Variants in FRMD3 observed in about 807,000 individuals in gnomAD.
FRMD3 encodes the protein FERM domain-containing protein 3.
FRMD3 carries 33 observed loss-of-function variants against 70.2 expected under a neutral mutation model. The ratio of observed to expected loss-of-function variants is 0.47; its 90% CI spans 0.36 to 0.63. The LOEUF (loss-of-function observed/expected upper bound fraction) is 0.63, where lower values mean the gene tolerates loss of function less well. FRMD3 is among the 20% of genes least tolerant of loss of function. The pLI is 0.00. For synonymous variants in FRMD3, 279 were observed against 255.9 expected (o/e 1.09, Z -0.86); for missense variants, 632 against 711.4 (o/e 0.89, Z 1.27).
intron 13 of FRMD3, among the ~76,000 whole-genome samples, chr9:83,285,086 A>C (rs117308773): frequency 0.014 from 2,134 of 152,340 alleles, 39 homozygotes; most frequent in Admixed American, 0.039. Flanking sequence ...GCGTGTTCAC[A>C]CACAGACTTT....
At chr9:83,484,696 G>T (rs1333610092) in intron 1 of FRMD3, among the ~76,000 whole-genome samples, 2 of 152,220 alleles carry the variant, frequency 1.3e-5, no homozygotes, top group African/African-American at 4.8e-5. Flanking sequence ...GGGATTACAT[G>T]TGTGAGCCAC....
At chr9:83,428,778 C>T (rs919569640) in intron 1 of FRMD3, among the ~76,000 whole-genome samples, 1 of 152,138 alleles carries the variant, frequency 6.6e-6, no homozygotes, top group African/African-American at 2.4e-5. Context: ...CTCAGATTTG[C>T]ACCCATTAAC....
chr9:83,387,841 G>T (rs569139764), intron 2 of FRMD3, among the ~76,000 whole-genome samples: 1 of 152,286 alleles, frequency 6.6e-6, no homozygotes, highest in East Asian at 1.9e-4. Context: ...ATTAGGAATA[G>T]GCTAAGTGCA....
At chr9:83,510,206 G>T (rs1041133530) in intron 1 of FRMD3, among the ~76,000 whole-genome samples, 1 of 152,038 alleles carries the variant, frequency 6.6e-6, no homozygotes, top group Non-Finnish European at 1.5e-5. Context: ...TCTTCTCACC[G>T]GTTCAAATGT....
chr9:83,574,752 C>A, the FRMD3 span, among the ~76,000 whole-genome samples: 1 of 152,100 alleles, frequency 6.6e-6, no homozygotes, highest in Non-Finnish European at 1.5e-5. Flanking sequence ...GAAGCTGCAT[C>A]CCTTAGTCCA....
In FRMD3 at chr9:83,385,398, TC is replaced by T. The variant is rs527873782; in HGVS notation, c.252+4205del. ...TACTGGCCAGTATTCAACCTATCCT[TC>T]CCTATATCAAATTAAAAAATAATAA... On this transcript the variant is annotated intron_variant, in intron 2 of 13. Transcript: ENST00000304195. Among the ~76,000 whole-genome samples, 33 of 152,132 alleles carry T rather than the reference TC, an allele frequency of 2.2e-4. No homozygotes were observed. In the East Asian group the frequency reaches 6.4e-3, roughly 29 times the overall value.
chr9:83,342,317 C>T (rs1459505215), intron 5 of FRMD3, among the ~76,000 whole-genome samples: 2 of 152,180 alleles, frequency 1.3e-5, no homozygotes, highest in Non-Finnish European at 2.9e-5. Flanking sequence ...GACATCAACA[C>T]ATTAGCTATT....
At chr9:83,288,755 C>A (rs1028360676) in intron 13 of FRMD3, among the ~76,000 whole-genome samples, 2 of 152,180 alleles carry the variant, frequency 1.3e-5, no homozygotes, top group African/African-American at 4.8e-5. Context: ...CATACAGTTG[C>A]TATGTCAAAA....
the FRMD3 span, among the ~76,000 whole-genome samples, chr9:83,562,703 G>C: frequency 6.6e-6 from 1 of 152,178 alleles, no homozygotes; most frequent in Admixed American, 6.5e-5. Context: ...CGAGCCACAG[G>C]CTCTGTGAAA....
chr9:83,467,673 G>A, intron 1 of FRMD3: 1 of 1,535,268 alleles, frequency 6.5e-7, no homozygotes, highest in Non-Finnish European at 8.7e-7. Context: ...AAAAGGATTT[G>A]CAGTGCCGTG....
At chr9:83,516,065 T>C (rs568667432) in intron 1 of FRMD3, among the ~76,000 whole-genome samples, 4 of 152,190 alleles carry the variant, frequency 2.6e-5, no homozygotes, top group Admixed American at 2.6e-4. Context: ...CAACAACTAA[T>C]GGGCAAAATA....
intron 1 of FRMD3, among the ~76,000 whole-genome samples, chr9:83,412,093 T>C (rs1455260840): frequency 6.6e-6 from 1 of 152,242 alleles, no homozygotes; most frequent in African/African-American, 2.4e-5. Flanking sequence ...TCAAACAGTT[T>C]TGCCTGTTTC....
Position 83,450,635 on chromosome 9 carries a change from A to T in FRMD3, c.148-60927T>A, listed in dbSNP as rs553072312. ...CCCCACGTGGCAGCCTGGAACAAAG[A>T]CCCTCAGCTCCCTGGAAAGGGAAGG... On this transcript the variant is annotated intron_variant, in intron 1 of 13. Transcript: ENST00000304195. Among the ~76,000 whole-genome samples the T allele has an allele frequency of 3.9e-5, 6 of 152,122 alleles. No individual in the cohort carries two copies. The East Asian group carries it at 1.2e-3, about 29-fold the overall frequency.
chr9:83,369,685 G>A (rs1166534572), intron 3 of FRMD3, among the ~76,000 whole-genome samples: 1 of 151,572 alleles, frequency 6.6e-6, no homozygotes, highest in Non-Finnish European at 1.5e-5. Flanking sequence ...ATCAATTATG[G>A]ATATTTTTAA....
At chr9:83,290,520 A>G in intron 13 of FRMD3, 83 bp downstream of exon 13, 1 of 1,480,206 alleles carries the variant, frequency 6.8e-7, no homozygotes, top group Admixed American at 1.7e-5. Context: ...TCAATTACCC[A>G]TCATATGCAG....
downstream of FRMD3, among the ~76,000 whole-genome samples, chr9:83,244,154 C>T (rs1300861059): frequency 6.8e-6 from 1 of 146,622 alleles, no homozygotes; most frequent in African/African-American, 2.5e-5. Flanking sequence ...AAAGTGGAAT[C>T]GTGAGATTCC....
intron 6 of FRMD3, among the ~76,000 whole-genome samples, chr9:83,320,429 AATTCTGT>A (rs1384776124): frequency 2.0e-5 from 3 of 152,054 alleles, no homozygotes; most frequent in Admixed American, 1.3e-4. Flanking sequence ...TTTTGTCCTT[AATTCTGT>A]ATGTGATGTA....
chr9:83,335,136 G>T (rs918889807), intron 6 of FRMD3, among the ~76,000 whole-genome samples: 13 of 152,190 alleles, frequency 8.5e-5, no homozygotes, highest in South Asian at 2.1e-4. Context: ...ATTCTACTTG[G>T]AGTCAATGCT....
chr9:83,364,770 T>C (rs1824734758), intron 3 of FRMD3, among the ~76,000 whole-genome samples: 1 of 152,220 alleles, frequency 6.6e-6, no homozygotes, highest in Non-Finnish European at 1.5e-5. Context: ...TTTGAGTACA[T>C]CTAGAATTAA....
Sources: gnomAD v4.1 joint callset for allele counts (sites outside exome capture counted in the v4.1 genomes callset) on GRCh38, gnomAD v4.1.1 for gene constraint, MANE v1.5 for transcripts, NCBI Gene and HGNC (gene_info 2026-07-23, HGNC 2026-07-21) for gene names.